The following SSTR4 variants were observed in gnomAD, a reference collection of about 807,000 sequenced individuals.
The protein encoded by SSTR4 is somatostatin receptor 4, also known as somatostatin receptor type 4.
For missense variants in SSTR4, 649 were observed against 540.6 expected (o/e 1.20, Z -1.99); for synonymous variants, 272 against 246.3 (o/e 1.10, Z -0.98).
Position 23,036,413 on chromosome 20 carries a change from C to T in SSTR4, c.930C>T (p.Leu310=). ...SYANSCANPI[L]YGFLSDNFRR... ...CCAACAGCTGCGCCAACCCCATTCT[C>T]TATGGCTTCCTCTCCGACAACTTCC... The change falls in exon 1 of 1, where the codon CTC becomes CTT. Residue 310 remains leucine, a synonymous_variant. Coordinates refer to ENST00000255008, the MANE Select transcript of SSTR4 (RefSeq NM_001052.4). 4 of 1,614,112 alleles carry T rather than the reference C, an allele frequency of 2.5e-6. No individual in the cohort carries two copies. Among genetic ancestry groups the T allele is most frequent in the Non-Finnish European group, 3.4e-6 (4 of 1,179,972 alleles).
chr20:23,035,448 G>A lies in SSTR4; in HGVS notation c.-36G>A, dbSNP rs1984271799. 8.8e-6 allele frequency: 12 copies of A among 1,369,864 alleles called. No homozygotes were observed. Among genetic ancestry groups the A allele is most frequent in the Non-Finnish European group, 1.0e-5 (11 of 1,068,784 alleles). 84.9% of individuals were successfully genotyped at this position (1,369,864 alleles called of 1,614,324 possible). A position where few individuals can be genotyped will look rare whatever the true frequency, so the allele number is the denominator to read the frequency against. ...AGCTCTCTGGCGCAGCGCTAGCTCC[G>A]CCGCGCTCAGCTGCCCTGCGCCGGC... On this transcript the variant is annotated 5_prime_UTR_variant, in exon 1 of 1. Transcript: ENST00000255008.
In SSTR4 at chr20:23,036,060, G is replaced by A. The variant is rs964531065; in HGVS notation, c.577G>A (p.Gly193Ser). The A allele has an allele frequency of 5.1e-6, 8 of 1,580,472 alleles. No individual in the cohort carries two copies. In the South Asian group the frequency reaches 6.9e-5, roughly 14 times the overall value. The change falls in exon 1 of 1, where the codon GGC becomes AGC. Residue 193 changes from glycine to serine, a missense_variant. By Grantham distance (56) the Gly-to-Ser change is moderately conservative (BLOSUM62 0). Transcript: ENST00000255008. ...IFADTRPARG[G>S]QAVACNLQWP... ...CGCAGACACCAGACCGGCTCGCGGC[G>A]GCCAGGCCGTGGCCTGCAACCTGCA...
In SSTR4 at chr20:23,036,656, C is replaced by G. The variant is rs1434760934; in HGVS notation, c.*6C>G. The G allele has an allele frequency of 6.5e-7, 1 of 1,533,854 alleles. No homozygotes were observed. The highest frequency in any genetic ancestry group is 1.3e-5 in the South Asian group (1 of 77,500). ...CCAGGACCACCACCTTCTGAGGAGC[C>G]CTTCCCCTACCCACCCTGCGTGGCC... On this transcript the variant is annotated 3_prime_UTR_variant, in exon 1 of 1. Coordinates refer to ENST00000255008, the MANE Select transcript of SSTR4 (RefSeq NM_001052.4).
At position 23,035,678 on chromosome 20, in the gene SSTR4, C is replaced by A; in HGVS notation, c.195C>A (p.Asn65Lys). The A allele has an allele frequency of 6.5e-7, 1 of 1,546,238 alleles. No homozygotes were observed. Among genetic ancestry groups the A allele is most frequent in the Non-Finnish European group, 8.7e-7 (1 of 1,147,052 alleles). The change falls in exon 1 of 1, where the codon AAC (asparagine) becomes AAA (lysine). Residue 65 changes from asparagine to lysine, a missense_variant. Coordinates refer to ENST00000255008, the MANE Select transcript of SSTR4 (RefSeq NM_001052.4). ...ALVCLVGLVG[N>K]ALVIFVILRY... ...TGTGCCTGGTGGGGCTGGTGGGCAA[C>A]GCCCTGGTCATCTTCGTGATCCTTC...
In SSTR4 at chr20:23,035,715, A is replaced by G. The variant is rs1311850441; in HGVS notation, c.232A>G (p.Met78Val). ...VIFVILRYAK[M>V]KTATNIYLLN... ...CTTCGTGATCCTTCGCTACGCCAAG[A>G]TGAAGACGGCTACCAACATCTACCT... The change falls in exon 1 of 1, where the codon ATG (methionine) becomes GTG (valine). Residue 78 changes from methionine (M) to valine (V), a missense_variant. Transcript: ENST00000255008. 6.4e-7 allele frequency: 1 copy of G among 1,565,210 alleles called. No homozygotes were observed. Among genetic ancestry groups the G allele is most frequent in the Admixed American group, 1.9e-5 (1 of 53,414 alleles).
At position 23,037,767 on chromosome 20, in the gene SSTR4, C is replaced by T. The variant is rs924514791; in HGVS notation, c.*1117C>T. Among the ~76,000 whole-genome samples the T allele has an allele frequency of 1.3e-5, 2 of 152,186 alleles. No individual in the cohort carries two copies. The highest frequency in any genetic ancestry group is 2.9e-5 in the Non-Finnish European group (2 of 68,044). On this transcript the variant is annotated 3_prime_UTR_variant, in exon 1 of 1. Transcript: ENST00000255008. ...GGAGAACTTGGAACACTTATGTTAG[C>T]ATCTGGTGTAACAACATAGGAACAT...
Position 23,036,751 on chromosome 20 carries a change from C to T in SSTR4, c.*101C>T. ...ATCTCCTGAATGCTCACCTAAGCTC[C>T]ACCACCTGTTCCTTCCAGCAGCCCA... On this transcript the variant is annotated 3_prime_UTR_variant, in exon 1 of 1. Coordinates refer to ENST00000255008, the MANE Select transcript of SSTR4 (RefSeq NM_001052.4). 7.5e-7 allele frequency: 1 copy of T among 1,338,760 alleles called. No individual in the cohort carries two copies. Among genetic ancestry groups the T allele is most frequent in the Non-Finnish European group, 1.0e-6 (1 of 979,702 alleles). 82.9% of individuals were successfully genotyped at this position (1,338,760 alleles called of 1,614,324 possible).
At position 23,037,025 on chromosome 20, in the gene SSTR4, C is replaced by T. The variant is rs181961831; in HGVS notation, c.*375C>T. Among the ~76,000 whole-genome samples, 1 of 152,306 alleles carries T rather than the reference C, an allele frequency of 6.6e-6. No individual in the cohort carries two copies. The highest frequency in any genetic ancestry group is 1.9e-4 in the East Asian group (1 of 5,188). ...CTCAAGAAGGTGGAGGGAGGTAGCA[C>T]CCTTCCTCTCTGCAGACGCTCTGCC... On this transcript the variant is annotated 3_prime_UTR_variant, in exon 1 of 1. Coordinates refer to ENST00000255008, the MANE Select transcript of SSTR4 (RefSeq NM_001052.4).
rs954318066 is a variant in SSTR4 at position 23,035,323 on chromosome 20, G to T, written c.-161G>T. On this transcript the variant is annotated 5_prime_UTR_variant, in exon 1 of 1. Coordinates refer to ENST00000255008, the MANE Select transcript of SSTR4 (RefSeq NM_001052.4). ...GCGCCCGCGCGGTGGGGCGCGCGGC[G>T]CGGGGATTGGCGGGCGCTCCCCGGT... The T allele has an allele frequency of 4.2e-6, 2 of 473,644 alleles. No homozygotes were observed. Among genetic ancestry groups the T allele is most frequent in the African/African-American group, 2.1e-5 (1 of 48,758 alleles). 29.3% of individuals were successfully genotyped at this position (473,644 alleles called of 1,614,324 possible). A position where few individuals can be genotyped will look rare whatever the true frequency, so the allele number is the denominator to read the frequency against.
rs1156516859 is a variant in SSTR4 at position 23,038,954 on chromosome 20, TTGTCGGGGCTG to T, written c.*2308_*2318del. 6.6e-6 allele frequency: 1 copy of T among 152,264 alleles called. No homozygotes were observed. The highest frequency in any genetic ancestry group is 1.5e-5 in the Non-Finnish European group (1 of 68,054). 9.4% of individuals were successfully genotyped at this position (152,264 alleles called of 1,614,324 possible). On this transcript the variant is annotated 3_prime_UTR_variant, in exon 1 of 1. Transcript: ENST00000255008. Reference sequence around the variant, plus strand: ...GGCAGCAACGAGGTGCACTGAGCACTTGTCGGGGCTGTGTTTGGAGCCCATCAACAGTGCTA... The same window carrying T: ...GGCAGCAACGAGGTGCACTGAGCACTTGTTTGGAGCCCATCAACAGTGCTA...
In SSTR4 at chr20:23,035,763, G is replaced by A. The variant is rs1376766191; in HGVS notation, c.280G>A (p.Glu94Lys). 1.9e-6 allele frequency: 3 copies of A among 1,592,458 alleles called. No homozygotes were observed. Among genetic ancestry groups the A allele is most frequent in the East Asian group, 2.2e-5 (1 of 44,494 alleles). Reference sequence around the variant, plus strand: ...CCTGCTCAACCTGGCCGTAGCCGACGAGCTCTTCATGCTGAGCGTGCCCTT... The same window carrying A: ...CCTGCTCAACCTGGCCGTAGCCGACAAGCTCTTCATGCTGAGCGTGCCCTT... ...IYLLNLAVAD[E>K]LFMLSVPFVA... Residue 94 changes from glutamate (E) to lysine (K), a missense_variant, in exon 1 of 1, where the codon GAG (glutamate) becomes AAG (lysine). By Grantham distance (56) the Glu-to-Lys change is moderately conservative (BLOSUM62 1). Transcript: ENST00000255008.
chr20:23,038,608 A>G lies in SSTR4; in HGVS notation c.*1958A>G, dbSNP rs1454978760. Reference sequence around the variant, plus strand: ...GAGGCAGGACACCTCAGCCTCAGCTACCCCGTGAGCAGTGATTTAACCTCT... The same window carrying G: ...GAGGCAGGACACCTCAGCCTCAGCTGCCCCGTGAGCAGTGATTTAACCTCT... On this transcript the variant is annotated 3_prime_UTR_variant, in exon 1 of 1. Transcript: ENST00000255008. Among the ~76,000 whole-genome samples the G allele has an allele frequency of 1.3e-5, 2 of 152,180 alleles. No homozygotes were observed. The highest frequency in any genetic ancestry group is 4.8e-5 in the African/African-American group (2 of 41,452).
At position 23,035,370 on chromosome 20, in the gene SSTR4, C is replaced by A; in HGVS notation, c.-114C>A. On this transcript the variant is annotated 5_prime_UTR_variant, in exon 1 of 1. Coordinates refer to ENST00000255008, the MANE Select transcript of SSTR4 (RefSeq NM_001052.4). Reference sequence around the variant, plus strand: ...CGGTGCCCGCAGCTCTTCAGCGTAGCCGGGAAGAGCCGCGCGTCTGCGCGC... The same window carrying A: ...CGGTGCCCGCAGCTCTTCAGCGTAGACGGGAAGAGCCGCGCGTCTGCGCGC... The A allele has an allele frequency of 1.2e-6, 1 of 829,414 alleles. No individual in the cohort carries two copies. Among genetic ancestry groups the A allele is most frequent in the East Asian group, 3.6e-5 (1 of 27,440 alleles). 51.4% of individuals were successfully genotyped at this position (829,414 alleles called of 1,614,324 possible).
In SSTR4 at chr20:23,036,384, T is replaced by A; in HGVS notation, c.901T>A (p.Tyr301Asn). The change falls in exon 1 of 1, where the codon TAT becomes AAT. Residue 301 changes from tyrosine (Y) to asparagine (N), a missense_variant. By Grantham distance (143) the Tyr-to-Asn change is moderately radical (BLOSUM62 -2). Coordinates refer to ENST00000255008, the MANE Select transcript of SSTR4 (RefSeq NM_001052.4). ...TVNHVSLILS[Y>N]ANSCANPILY... ...CAACCACGTGTCCCTTATCCTTAGCTATGCCAACAGCTGCGCCAACCCCAT... is the reference window on the plus strand; with the variant it reads ...CAACCACGTGTCCCTTATCCTTAGCAATGCCAACAGCTGCGCCAACCCCAT... 6.2e-7 allele frequency: 1 copy of A among 1,614,146 alleles called. No homozygotes were observed. Among genetic ancestry groups the A allele is most frequent in the Non-Finnish European group, 8.5e-7 (1 of 1,179,996 alleles).
At position 23,036,587 on chromosome 20, in the gene SSTR4, G is replaced by C; in HGVS notation, c.1104G>C (p.Gln368His). Residue 368 changes from glutamine to histidine, a missense_variant, in exon 1 of 1, where the codon CAG (glutamine) becomes CAC (histidine). Coordinates refer to ENST00000255008, the MANE Select transcript of SSTR4 (RefSeq NM_001052.4). Reference sequence around the variant, plus strand: ...TGTGCCCCCCACTCCCCTGCCAGCAGGAAGCCCTGCAACCAGAACCCGGCC... The same window carrying C: ...TGTGCCCCCCACTCCCCTGCCAGCACGAAGCCCTGCAACCAGAACCCGGCC... The part of the protein sequence containing the change: ...GCMCPPLPCQ[Q>H]EALQPEPGRK... The C allele has an allele frequency of 2.5e-6, 4 of 1,594,744 alleles. No homozygotes were observed. The highest frequency in any genetic ancestry group is 3.4e-6 in the Non-Finnish European group (4 of 1,171,028).
rs780347836 is a variant in SSTR4 at position 23,036,514 on chromosome 20, T to A, written c.1031T>A (p.Leu344Gln). Residue 344 changes from leucine to glutamine, a missense_variant, in exon 1 of 1, where the codon CTG becomes CAG. Leu to Gln is a moderately radical substitution (Grantham distance 113). Transcript: ENST00000255008. The part of the protein sequence containing the change: ...EGAGGAEEEP[L>Q]DYYATALKSK... ...GCTGGAGGTGCTGAGGAGGAGCCCC[T>A]GGACTACTATGCCACTGCTCTCAAG... 1.2e-6 allele frequency: 2 copies of A among 1,613,858 alleles called. No homozygotes were observed. The highest frequency in any genetic ancestry group is 1.1e-5 in the South Asian group (1 of 91,046).
rs780735502 is a variant in SSTR4 at position 23,035,468 on chromosome 20, G to A, written c.-16G>A. On this transcript the variant is annotated 5_prime_UTR_variant, in exon 1 of 1. Transcript: ENST00000255008. ...GCTCCGCCGCGCTCAGCTGCCCTGC[G>A]CCGGCACCCCTGGTCATGAGCGCCC... 4 of 1,462,158 alleles carry A rather than the reference G, an allele frequency of 2.7e-6. No homozygotes were observed. In the African/African-American group the frequency reaches 4.4e-5, roughly 16 times the overall value. 90.6% of individuals were successfully genotyped at this position (1,462,158 alleles called of 1,614,324 possible). A position where few individuals can be genotyped will look rare whatever the true frequency, so the allele number is the denominator to read the frequency against.
At position 23,035,694 on chromosome 20, in the gene SSTR4, G is replaced by T. The variant is rs1167953210; in HGVS notation, c.211G>T (p.Val71Leu). 5.8e-6 allele frequency: 9 copies of T among 1,554,690 alleles called. No individual in the cohort carries two copies. The highest frequency in any genetic ancestry group is 7.8e-6 in the Non-Finnish European group (9 of 1,151,492). The change falls in exon 1 of 1, where the codon GTG (valine) becomes TTG (leucine). Residue 71 changes from valine (V) to leucine (L), a missense_variant. Physicochemically the swap from Val to Leu is conservative, Grantham distance 32. Transcript: ENST00000255008. ...GGTGGGCAACGCCCTGGTCATCTTC[G>T]TGATCCTTCGCTACGCCAAGATGAA... ...GLVGNALVIF[V>L]ILRYAKMKTA...
Position 23,035,372 on chromosome 20 carries a change from G to C in SSTR4, c.-112G>C, listed in dbSNP as rs1984267786. 4.8e-6 allele frequency: 4 copies of C among 838,236 alleles called. No homozygotes were observed. The highest frequency in any genetic ancestry group is 4.3e-4 in the Middle Eastern group (1 of 2,312). 51.9% of individuals were successfully genotyped at this position (838,236 alleles called of 1,614,324 possible). On this transcript the variant is annotated 5_prime_UTR_variant, in exon 1 of 1. Coordinates refer to ENST00000255008, the MANE Select transcript of SSTR4 (RefSeq NM_001052.4). ...GTGCCCGCAGCTCTTCAGCGTAGCC[G>C]GGAAGAGCCGCGCGTCTGCGCGCCA... is the stretch of plus-strand genomic sequence containing the variant.
Sources: allele counts gnomAD v4.1 joint callset (sites outside exome capture counted in the v4.1 genomes callset), GRCh38; gene constraint gnomAD v4.1.1; transcripts MANE v1.5; gene names NCBI Gene and HGNC (gene_info 2026-07-23, HGNC 2026-07-21).